PCDH9: variants seen among roughly 807,000 people sequenced by gnomAD.
PCDH9 encodes protocadherin-9.
PCDH9 carries 24 observed loss-of-function variants against 70.6 expected under a neutral mutation model. The observed-to-expected ratio is 0.34, with a 90% CI of 0.25 to 0.48. The LOEUF is 0.48. PCDH9 is among the 20% of genes least tolerant of loss of function. The pLI, the probability that PCDH9 is intolerant of heterozygous loss-of-function variation, is 0.99. For synonymous variants in PCDH9, 562 were observed against 558.5 expected (o/e 1.01, Z -0.09); for missense variants, 1,281 against 1,503.6 (o/e 0.85, Z 2.45).
intron 4 of PCDH9, among the ~76,000 whole-genome samples, chr13:66,475,936 G>C (rs1360223478): frequency 2.0e-5 from 3 of 151,962 alleles, no homozygotes; most frequent in African/African-American, 7.2e-5. Context: ...CCTGTCTTCC[G>C]ATTTGTCCCT....
intron 2 of PCDH9, among the ~76,000 whole-genome samples, chr13:66,980,071 T>A (rs962170476): frequency 6.9e-6 from 1 of 145,634 alleles, no homozygotes; most frequent in Non-Finnish European, 1.5e-5. Context: ...TAACTTAAAT[T>A]ATCCATCTCT....
At chr13:67,137,101 A>G (rs983723579) in intron 2 of PCDH9, among the ~76,000 whole-genome samples, 1 of 152,052 alleles carries the variant, frequency 6.6e-6, no homozygotes, top group Non-Finnish European at 1.5e-5. Context: ...GTGCACATGT[A>G]CCCTAGAACT....
At chr13:66,594,842 T>C (rs2077082714) in intron 4 of PCDH9, among the ~76,000 whole-genome samples, 1 of 151,734 alleles carries the variant, frequency 6.6e-6, no homozygotes, top group Non-Finnish European at 1.5e-5. Flanking sequence ...TGTTCCTTTT[T>C]ATGGCTGCAT....
At chr13:66,467,423 T>A (rs1958536857) in intron 4 of PCDH9, among the ~76,000 whole-genome samples, 1 of 152,012 alleles carries the variant, frequency 6.6e-6, no homozygotes, top group Admixed American at 6.6e-5. Flanking sequence ...TGTCTACCCC[T>A]CTCTTCTCAA....
At chr13:66,874,033 C>T (rs183895649) in intron 3 of PCDH9, among the ~76,000 whole-genome samples, 7 of 150,796 alleles carry the variant, frequency 4.6e-5, no homozygotes, top group African/African-American at 1.5e-4. Context: ...CTGTGTCTCC[C>T]GAACTCAAGT....
At chr13:66,816,748 C>T (rs2080611861) in intron 3 of PCDH9, among the ~76,000 whole-genome samples, 1 of 151,964 alleles carries the variant, frequency 6.6e-6, no homozygotes, top group African/African-American at 2.4e-5. Flanking sequence ...GGTAAAATCC[C>T]GTCTCTACTA....
intron 4 of PCDH9, among the ~76,000 whole-genome samples, chr13:66,379,721 T>A (rs1006782508): frequency 8.5e-5 from 13 of 152,196 alleles, no homozygotes; most frequent in African/African-American, 2.9e-4. Context: ...CATAGTATCT[T>A]AGTAGTTTGA....
At chr13:67,164,525 T>C (rs995317979) in intron 2 of PCDH9, among the ~76,000 whole-genome samples, 2 of 149,160 alleles carry the variant, frequency 1.3e-5, no homozygotes, top group East Asian at 2.0e-4. Flanking sequence ...AGTGAGCTGA[T>C]AGCATGCCAC....
At chr13:66,941,394 T>G (rs565377993) in intron 2 of PCDH9, among the ~76,000 whole-genome samples, 2 of 151,976 alleles carry the variant, frequency 1.3e-5, no homozygotes, top group Non-Finnish European at 3.0e-5. Context: ...GATAGATTTA[T>G]ATCTAATGTT....
chr13:66,403,935 A>G (rs1957233406), intron 4 of PCDH9, among the ~76,000 whole-genome samples: 1 of 152,298 alleles, frequency 6.6e-6, no homozygotes, highest in East Asian at 1.9e-4. Flanking sequence ...TGGGAGGTAC[A>G]TTGTTTTTCA....
intron 3 of PCDH9, among the ~76,000 whole-genome samples, chr13:66,650,968 T>C (rs1225682417): frequency 6.6e-6 from 1 of 151,834 alleles, no homozygotes; most frequent in African/African-American, 2.4e-5. Flanking sequence ...AAGGAAATTT[T>C]TTAAGTTCTT....
rs556941096 is a variant in PCDH9 at position 66,304,851 on chromosome 13, A to G, written c.3518T>C (p.Leu1173Pro). ...PQKEWVKKDK[L>P]VNGHTLTRAW... The stretch of plus-strand genomic sequence containing the variant: ...TCTGGTCAGGGTGTGCCCATTCACA[A>G]GCTTGTCCTTCTTCACCCATTCTTT... Residue 1173 changes from leucine (L) to proline (P), a missense_variant, in exon 5 of 5, where the codon CTT (leucine) becomes CCT (proline). Leu to Pro is a moderately conservative substitution (Grantham distance 98). Around this residue, in one of 4 missense-constraint regions of PCDH9, gnomAD observed 264 missense variants for 278.8 expected, o/e 0.95. Transcript: ENST00000377865. 6 of 1,613,480 alleles carry G rather than the reference A, an allele frequency of 3.7e-6. No homozygotes were observed. Among genetic ancestry groups the G allele is most frequent in the East Asian group, 2.2e-5 (1 of 44,840 alleles).
At chr13:67,164,106 C>A (rs1024325007) in intron 2 of PCDH9, among the ~76,000 whole-genome samples, 3 of 152,200 alleles carry the variant, frequency 2.0e-5, no homozygotes, top group Non-Finnish European at 2.9e-5. Flanking sequence ...TGTGCACCTT[C>A]ACATAATGCA....
rs1313632174 is a variant in PCDH9 at position 66,932,681 on chromosome 13, T to TATAC, written c.3037-29077_3037-29076insGTAT. Among the ~76,000 whole-genome samples the TATAC allele has an allele frequency of 9.4e-3, 1,083 of 114,828 alleles. 31 individuals are homozygous for TATAC. Among genetic ancestry groups the TATAC allele is most frequent in the African/African-American group, 0.035 (1,028 of 29,250 alleles). 75.3% of individuals were successfully genotyped at this position (114,828 alleles called of 152,430 possible). ...TCACATATATATATATATATATATA[T>TATAC]ACACACACACACACGTATGTATATA... is the stretch of plus-strand genomic sequence containing the variant. On this transcript the variant is annotated intron_variant, in intron 2 of 4. Coordinates refer to ENST00000377865, the MANE Select transcript of PCDH9 (RefSeq NM_203487.3).
intron 3 of PCDH9, among the ~76,000 whole-genome samples, chr13:66,893,853 A>C (rs2082133806): frequency 1.3e-5 from 2 of 152,022 alleles, no homozygotes; most frequent in South Asian, 4.2e-4. Flanking sequence ...TATACAACCT[A>C]TTCTATTCTA....
chr13:66,903,466 A>G, intron 3 of PCDH9, 38 bp downstream of exon 3: 1 of 730,542 alleles, frequency 1.4e-6, no homozygotes, highest in East Asian at 2.8e-5. Flanking sequence ...ATGAAAATTT[A>G]TCAGTACTAA....
intron 4 of PCDH9, among the ~76,000 whole-genome samples, chr13:66,545,833 A>ATTTTG (rs141704175): frequency 4.0e-5 from 1 of 25,014 alleles, no homozygotes; most frequent in African/African-American, 9.7e-5. Flanking sequence ...ATTTTATTTT[A>ATTTTG]TTTATTTATT....
chr13:66,870,583 G>A (rs928011124), intron 3 of PCDH9, among the ~76,000 whole-genome samples: 8 of 152,096 alleles, frequency 5.3e-5, no homozygotes, highest in Non-Finnish European at 1.2e-4. Flanking sequence ...CAAAGGACAT[G>A]AACAGACACT....
chr13:67,094,812 T>C (rs1309652100), intron 2 of PCDH9, among the ~76,000 whole-genome samples: 1 of 152,172 alleles, frequency 6.6e-6, no homozygotes, highest in Admixed American at 6.5e-5. Flanking sequence ...TCTTGGGAAA[T>C]CTAACCATGT....
Sources: allele counts gnomAD v4.1 joint callset (sites outside exome capture counted in the v4.1 genomes callset), GRCh38; gene constraint gnomAD v4.1.1; regional missense constraint gnomAD v4.1.1; transcripts MANE v1.5; gene names NCBI Gene and HGNC (gene_info 2026-07-23, HGNC 2026-07-21).